The following SFT2D1 variants were observed in gnomAD, a reference collection of about 807,000 sequenced individuals.
SFT2D1 encodes SFT2 domain containing 1, also known as vesicle transport protein SFT2A.
SFT2D1 carries 24 observed loss-of-function variants against 28.1 expected under a neutral mutation model. That is an observed-to-expected ratio of 0.85 (90% CI 0.62 to 1.20). The LOEUF (loss-of-function observed/expected upper bound fraction) is 1.20, where lower values mean the gene tolerates loss of function less well. Ranked by LOEUF, SFT2D1 falls within the 50% of genes most tolerant of loss-of-function variation. The pLI, the probability that SFT2D1 is intolerant of heterozygous loss-of-function variation, is 0.00. For missense variants in SFT2D1, 181 were observed against 190.9 expected (o/e 0.95, Z 0.31); for synonymous variants, 82 against 73.7 (o/e 1.11, Z -0.58).
At chr6:166,335,811 C>T (rs1275955824) in intron 1 of SFT2D1, among the ~76,000 whole-genome samples, 1 of 152,210 alleles carries the variant, frequency 6.6e-6, no homozygotes, top group African/African-American at 2.4e-5. Flanking sequence ...GATAGGGAAG[C>T]TACAGGTTAC....
At chr6:166,322,182 C>A (rs1048886587) in intron 7 of SFT2D1, among the ~76,000 whole-genome samples, 2 of 152,110 alleles carry the variant, frequency 1.3e-5, no homozygotes, top group African/African-American at 4.8e-5. Context: ...CGCACCCAGC[C>A]GTAACTTCCT....
chr6:166,330,295 A>G (rs1262604481), intron 1 of SFT2D1, 48 bp from the exon 2 acceptor site: 3 of 1,252,454 alleles, frequency 2.4e-6, no homozygotes, highest in Non-Finnish European at 3.4e-6. Flanking sequence ...ATTCACTACC[A>G]ATCTGATTCT....
intron 7 of SFT2D1, among the ~76,000 whole-genome samples, chr6:166,322,183 G>A (rs528301525): frequency 3.8e-4 from 57 of 151,780 alleles, no homozygotes; most frequent in Non-Finnish European, 5.7e-4. Flanking sequence ...GCACCCAGCC[G>A]TAACTTCCTT....
chr6:166,326,105 A>G (rs1261273692), intron 5 of SFT2D1, 27 bp downstream of exon 5: 2 of 1,610,760 alleles, frequency 1.2e-6, no homozygotes, highest in Admixed American at 1.7e-5. Context: ...CAGTTAACTG[A>G]AAGCCAGTAG....
rs2114919776 is a variant in SFT2D1, at chr6:166,342,342, C to A, written c.63+77G>T. The A allele has an allele frequency of 3.6e-6, 5 of 1,397,064 alleles. No individual in the cohort carries two copies. The South Asian group carries it at 5.4e-5, about 15-fold the overall frequency. The allele number at this position is 1,397,064 out of a possible 1,614,324, so 86.5% of individuals were successfully genotyped here. On this transcript the variant is annotated intron_variant, in intron 1 of 7. Coordinates refer to ENST00000361731, the MANE Select transcript of SFT2D1 (RefSeq NM_145169.3). ...CAGACCCCCGGCCTCGCACCCACCC[C>A]ACCCGCTCGGCCGGTCCTCAGTGCG...
intron 4 of SFT2D1, among the ~76,000 whole-genome samples, chr6:166,327,482 C>A (rs528525784): frequency 6.6e-6 from 1 of 152,146 alleles, no homozygotes; most frequent in South Asian, 2.1e-4. Flanking sequence ...TGGAAGGCAC[C>A]TTTAAAGATA....
intron 7 of SFT2D1, 28 bp downstream of exon 7, chr6:166,322,829 A>G: frequency 6.3e-7 from 1 of 1,592,734 alleles, no homozygotes; most frequent in Non-Finnish European, 8.6e-7. Flanking sequence ...AAAGAACCAG[A>G]AAGAAGACAA....
chr6:166,330,561 T>C (rs769697455), intron 1 of SFT2D1, among the ~76,000 whole-genome samples: 4 of 152,074 alleles, frequency 2.6e-5, no homozygotes, highest in African/African-American at 4.8e-5. Context: ...TTATAAAATA[T>C]ACAAAGATTA....
At chr6:166,322,802 T>C (rs1200227494) in intron 7 of SFT2D1, 55 bp downstream of exon 7, 5 of 1,418,548 alleles carry the variant, frequency 3.5e-6, no homozygotes, top group Non-Finnish European at 4.9e-6. Context: ...AATTCATATA[T>C]TTGTGTGAAG....
intron 1 of SFT2D1, chr6:166,331,456 A>T (rs543039432): frequency 2.6e-5 from 4 of 152,816 alleles, no homozygotes; most frequent in South Asian, 4.1e-4. Flanking sequence ...TTCTGTAATG[A>T]AACATATATC....
At chr6:166,321,685 A>G (rs12209616) in intron 7 of SFT2D1, among the ~76,000 whole-genome samples, 42,618 of 152,140 alleles carry the variant, frequency 0.28, 6,421 homozygotes, top group African/African-American at 0.38. Context: ...GAATTTCACA[A>G]ACAGGCAAAG....
Position 166,320,677 on chromosome 6 carries a change from A to AT in SFT2D1, c.441-422dup, listed in dbSNP as rs34662866. Among the ~76,000 whole-genome samples, 502 of 143,184 alleles carry AT rather than the reference A, an allele frequency of 3.5e-3. 3 individuals carry two copies. The highest frequency in any genetic ancestry group is 9.4e-3 in the African/African-American group (364 of 38,610). The allele number at this position is 143,184 out of a possible 152,430, so 93.9% of individuals were successfully genotyped here. The stretch of plus-strand genomic sequence containing the variant: ...GACTATAGGGCACACCACTACACTA[A>AT]TTTTTTTTTTTTTTTTTTTAATAGA... On this transcript the variant is annotated intron_variant, in intron 7 of 7. Transcript: ENST00000361731.
chr6:166,326,388 T>G (rs1463907383), intron 4 of SFT2D1, among the ~76,000 whole-genome samples: 1 of 152,348 alleles, frequency 6.6e-6, no homozygotes, highest in South Asian at 2.1e-4. Context: ...AATAATTTAA[T>G]CTGTTAAGTA....
intron 6 of SFT2D1, chr6:166,323,150 G>T: frequency 2.8e-6 from 1 of 359,490 alleles, no homozygotes; most frequent in Non-Finnish European, 4.9e-6. Context: ...GGTGATTCTG[G>T]TGCATGCTAA....
intron 1 of SFT2D1, among the ~76,000 whole-genome samples, chr6:166,331,108 CCAG>C (rs1481717559): frequency 1.3e-5 from 2 of 152,118 alleles, no homozygotes; most frequent in Non-Finnish European, 2.9e-5. Context: ...GTATGATAAC[CCAG>C]CACACAGTAG....
At position 166,320,255 on chromosome 6, in the gene SFT2D1, C is replaced by G. The variant is rs772939052; in HGVS notation, c.442G>C (p.Asp148His). 1 of 1,609,940 alleles carries G rather than the reference C, an allele frequency of 6.2e-7. No homozygotes were observed. The change falls in exon 8 of 8, where the codon GAT (aspartate) becomes CAT (histidine). Residue 148 changes from aspartate to histidine, a missense_variant and splice_region_variant. Asp to His is a moderately conservative substitution (Grantham distance 81, BLOSUM62 -1). Transcript: ENST00000361731. Reference sequence around the variant, plus strand: ...GAAGAACAGCATTTAATAACTGCATCCCTGGTGGAAAAGAGAGGGAAAAAA... The same window carrying G: ...GAAGAACAGCATTTAATAACTGCATGCCTGGTGGAAAAGAGAGGGAAAAAA... ...YSLSYIPYAR[D>H]AVIKCCSSLL...
intron 4 of SFT2D1, among the ~76,000 whole-genome samples, chr6:166,328,041 G>A (rs752128578): frequency 4.0e-5 from 6 of 151,800 alleles, no homozygotes; most frequent in Non-Finnish European, 5.9e-5. Flanking sequence ...CAGGTGATCC[G>A]CCCACCTTGG....
At chr6:166,329,661 G>A in intron 2 of SFT2D1, 72 bp from the exon 3 acceptor site, 1 of 1,188,972 alleles carries the variant, frequency 8.4e-7, no homozygotes, top group Non-Finnish European at 1.2e-6. Context: ...ACGTGCTACT[G>A]CAGTAATACA....
chr6:166,323,582 A>G (rs577708981), intron 6 of SFT2D1: 1 of 152,386 alleles, frequency 6.6e-6, no homozygotes, highest in South Asian at 2.1e-4. Flanking sequence ...CCACCCAGAT[A>G]TTTATGGCCT....
Sources: allele counts gnomAD v4.1 joint callset (sites outside exome capture counted in the v4.1 genomes callset), GRCh38; gene constraint gnomAD v4.1.1; transcripts MANE v1.5; gene names NCBI Gene and HGNC (gene_info 2026-07-23, HGNC 2026-07-21).